Variants in RBFOX1 observed in about 807,000 individuals in gnomAD.
RBFOX1 encodes the protein RNA binding protein fox-1 homolog 1.
Under a neutral mutation model 57.7 loss-of-function variants are expected in RBFOX1, and 8 were observed. That is an observed-to-expected ratio of 0.14 (90% CI 0.08 to 0.25). The LOEUF is 0.25. RBFOX1 is among the 10% of genes least tolerant of loss of function. The pLI, the probability that RBFOX1 is intolerant of heterozygous loss-of-function variation, is 1.00. For missense variants in RBFOX1, 611 were observed against 548.5 expected (o/e 1.11, Z -1.14); for synonymous variants, 326 against 222.4 (o/e 1.47, Z -4.15).
intron 4 of RBFOX1, among the ~76,000 whole-genome samples, chr16:7,259,942 A>G (rs188977829): frequency 2.0e-5 from 3 of 152,282 alleles, no homozygotes; most frequent in Non-Finnish European, 2.9e-5. Context: ...TACTGTCATT[A>G]TCCCTCCCCT....
intron 1 of RBFOX1, among the ~76,000 whole-genome samples, chr16:5,424,898 T>G (rs976947226): frequency 1.9e-5 from 2 of 103,586 alleles, no homozygotes; most frequent in Non-Finnish European, 4.0e-5. Flanking sequence ...TTTCTTTCTT[T>G]CTTTCTTTCT....
At chr16:5,369,248 C>T (rs1382481218) in intron 1 of RBFOX1, among the ~76,000 whole-genome samples, 1 of 152,180 alleles carries the variant, frequency 6.6e-6, no homozygotes, top group African/African-American at 2.4e-5. Flanking sequence ...GTGATCCACC[C>T]ACCTTGGTCT....
intron 1 of RBFOX1, among the ~76,000 whole-genome samples, chr16:5,370,982 T>A (rs1332901488): frequency 2.0e-5 from 3 of 152,220 alleles, no homozygotes; most frequent in African/African-American, 7.2e-5. Context: ...GGATTGTTGC[T>A]CTTTCGCCAG....
intron 2 of RBFOX1, among the ~76,000 whole-genome samples, chr16:6,534,409 G>A (rs1249878593): frequency 6.6e-6 from 1 of 152,130 alleles, no homozygotes; most frequent in East Asian, 1.9e-4. Context: ...TCAGGATAGT[G>A]ATTGTCTTTC....
At chr16:5,628,167 A>G (rs2048398989) in intron 3 of RBFOX1, among the ~76,000 whole-genome samples, 2 of 152,192 alleles carry the variant, frequency 1.3e-5, no homozygotes, top group African/African-American at 4.8e-5. Flanking sequence ...GGCATTGGGT[A>G]GATACCCTTA....
At chr16:7,004,083 T>C (rs2093084180) in intron 3 of RBFOX1, 1 of 151,846 alleles carries the variant, frequency 6.6e-6, no homozygotes, top group Non-Finnish European at 1.5e-5. Flanking sequence ...ATCATTCTAG[T>C]TTTAGTATAT....
At chr16:7,513,057 A>G (rs1484263757) in intron 4 of RBFOX1, among the ~76,000 whole-genome samples, 1 of 142,286 alleles carries the variant, frequency 7.0e-6, no homozygotes, top group Non-Finnish European at 1.5e-5. Flanking sequence ...TGAGGCCAGC[A>G]GTTCGGGACC....
intron 4 of RBFOX1, among the ~76,000 whole-genome samples, chr16:7,456,977 G>T (rs1475430166): frequency 6.6e-6 from 1 of 151,724 alleles, no homozygotes. Flanking sequence ...TGCAACCTCT[G>T]CCTCCTGGAT....
intron 1 of RBFOX1, among the ~76,000 whole-genome samples, chr16:5,283,503 T>C (rs2063321766): frequency 6.6e-6 from 1 of 152,142 alleles, no homozygotes; most frequent in African/African-American, 2.4e-5. Context: ...TGTTATACCC[T>C]ACAAAGCCAC....
chr16:7,701,073 G>A (rs1230128841), intron 14 of RBFOX1, among the ~76,000 whole-genome samples: 5 of 152,116 alleles, frequency 3.3e-5, no homozygotes. Context: ...GGGGAGGCAG[G>A]GAAATCACGA....
chr16:6,144,123 T>C (rs1354567284), intron 1 of RBFOX1, among the ~76,000 whole-genome samples: 1 of 152,126 alleles, frequency 6.6e-6, no homozygotes, highest in Non-Finnish European at 1.5e-5. Flanking sequence ...TGGTTTGTAC[T>C]AGTTCTGAAG....
intron 3 of RBFOX1, among the ~76,000 whole-genome samples, chr16:5,654,643 C>T (rs956788977): frequency 3.9e-5 from 6 of 152,176 alleles, no homozygotes; most frequent in African/African-American, 9.6e-5. Context: ...CAAGCCCTTT[C>T]GCATCTCATT....
chr16:5,913,449 G>A (rs1289505450), intron 4 of RBFOX1, among the ~76,000 whole-genome samples: 1 of 152,134 alleles, frequency 6.6e-6, no homozygotes. Context: ...ATGAGCTCAA[G>A]TCAGAGCTGG....
chr16:6,129,839 C>G (rs1252832145), intron 1 of RBFOX1, among the ~76,000 whole-genome samples: 1 of 150,858 alleles, frequency 6.6e-6, no homozygotes, highest in African/African-American at 2.4e-5. Context: ...TAACTGATTT[C>G]TCATAGAAAC....
At chr16:6,429,003 C>T (rs1187756807) in intron 2 of RBFOX1, among the ~76,000 whole-genome samples, 2 of 152,304 alleles carry the variant, frequency 1.3e-5, no homozygotes, top group Non-Finnish European at 2.9e-5. Flanking sequence ...GGGAGGTGCA[C>T]ATTCGGTGAC....
At chr16:6,789,496 C>G (rs1156376907) in intron 3 of RBFOX1, among the ~76,000 whole-genome samples, 1 of 152,180 alleles carries the variant, frequency 6.6e-6, no homozygotes, top group African/African-American at 2.4e-5. Context: ...GCAGTCATTT[C>G]ATTCTCAGTT....
intron 2 of RBFOX1, among the ~76,000 whole-genome samples, chr16:6,649,981 C>T (rs1032849850): frequency 1.3e-5 from 2 of 152,078 alleles, no homozygotes; most frequent in Admixed American, 1.3e-4. Context: ...GTGGGGTATT[C>T]AGTTTGATTC....
At chr16:5,629,157 G>T (rs543390899) in intron 3 of RBFOX1, among the ~76,000 whole-genome samples, 58 of 152,308 alleles carry the variant, frequency 3.8e-4, no homozygotes, top group African/African-American at 1.3e-3. Flanking sequence ...CATATTGAGA[G>T]TACAGGGCTG....
At chr16:7,199,947 AGAAC>A (rs780978300) in intron 4 of RBFOX1, among the ~76,000 whole-genome samples, 38 of 152,306 alleles carry the variant, frequency 2.5e-4, no homozygotes, top group Non-Finnish European at 4.9e-4. Context: ...ATTAGACAAA[AGAAC>A]AAACAACGTG....
Sources: gnomAD v4.1 joint callset for allele counts (sites outside exome capture counted in the v4.1 genomes callset) on GRCh38, gnomAD v4.1.1 for gene constraint, MANE v1.5 for transcripts, NCBI Gene and HGNC (gene_info 2026-07-23, HGNC 2026-07-21) for gene names.